The following PICALM variants were observed in gnomAD, a reference collection of about 807,000 sequenced individuals.
PICALM encodes the protein phosphatidylinositol binding clathrin assembly protein.
A neutral mutation model predicts 80.5 loss-of-function variants in PICALM; 40 were observed. That is an observed-to-expected ratio of 0.50 (90% confidence interval 0.39 to 0.65). The LOEUF is 0.65. Ranked by LOEUF, PICALM falls within the 30% of genes least tolerant of loss-of-function variation. The probability of loss-of-function intolerance (pLI) is 0.00; values close to 1 mark genes in which losing one functional copy is unlikely to be tolerated. For missense variants in PICALM, 676 were observed against 778.9 expected (o/e 0.87, Z 1.57); for synonymous variants, 288 against 260.3 (o/e 1.11, Z -1.02).
intron 7 of PICALM, among the ~76,000 whole-genome samples, chr11:86,008,936 G>A (rs927638536): frequency 3.5e-5 from 2 of 56,376 alleles, no homozygotes; most frequent in Admixed American, 1.9e-4. Flanking sequence ...TCCAGAAAAA[G>A]GAAAAAAAAA....
chr11:86,068,897 C>T lies in PICALM; in HGVS notation c.-117G>A, dbSNP rs535144374. On this transcript the variant is annotated 5_prime_UTR_variant, in exon 1 of 20. Transcript: ENST00000393346. ...CCTACCCCCACCGGCTCCTTCCCCG[C>T]CTGCCGGCCTGGGGCGCGGTTCGGG... 3.3e-5 allele frequency: 46 copies of T among 1,373,602 alleles called. 1 individual carries two copies. In the South Asian group the frequency reaches 6.0e-4, roughly 18 times the overall value. The allele number at this position is 1,373,602 out of a possible 1,614,324, so 85.1% of individuals were successfully genotyped here.
chr11:85,974,455 T>G, intron 19 of PICALM: 2 of 596,330 alleles, frequency 3.4e-6, no homozygotes, highest in South Asian at 2.8e-5. Flanking sequence ...CTCAGAAAAA[T>G]CATCCTTTGG....
chr11:86,069,226 G>T, upstream of PICALM: 1 of 182,540 alleles, frequency 5.5e-6, no homozygotes, highest in East Asian at 9.2e-5. Flanking sequence ...GGGAAGAGCT[G>T]GGCGGCGCCC....
intron 14 of PICALM, among the ~76,000 whole-genome samples, chr11:85,983,399 C>T (rs1326779963): frequency 1.3e-5 from 2 of 152,318 alleles, no homozygotes; most frequent in Non-Finnish European, 2.9e-5. Context: ...CCTGTACCCA[C>T]AGGCCTGATT....
chr11:86,061,499 C>G (rs1422020708), intron 1 of PICALM, among the ~76,000 whole-genome samples: 1 of 151,780 alleles, frequency 6.6e-6, no homozygotes, highest in East Asian at 1.9e-4. Flanking sequence ...ATAAAGATGG[C>G]GAGTATGCAT....
chr11:85,983,246 A>T (rs1224470944), intron 14 of PICALM, among the ~76,000 whole-genome samples: 1 of 152,224 alleles, frequency 6.6e-6, no homozygotes, highest in Non-Finnish European at 1.5e-5. Flanking sequence ...GAACAGAATT[A>T]TGAGTGTCAA....
chr11:86,023,365 A>C (rs2095598434), intron 3 of PICALM: 1 of 712,864 alleles, frequency 1.4e-6, no homozygotes, highest in Non-Finnish European at 1.7e-6. Context: ...AGTGGAGAAA[A>C]ATCAGTGAAC....
intron 9 of PICALM, among the ~76,000 whole-genome samples, chr11:86,002,420 G>A (rs1478362979): frequency 5.3e-5 from 8 of 152,090 alleles, no homozygotes. Context: ...AGGTTCATAA[G>A]AAAACATGAG....
intron 4 of PICALM, among the ~76,000 whole-genome samples, chr11:86,021,936 T>C (rs1445331250): frequency 6.6e-6 from 1 of 152,208 alleles, no homozygotes; most frequent in Non-Finnish European, 1.5e-5. Flanking sequence ...TATTGTATAA[T>C]TTCATTTATA....
chr11:85,969,277 A>G (rs943289583), intron 19 of PICALM, among the ~76,000 whole-genome samples: 1 of 152,242 alleles, frequency 6.6e-6, no homozygotes, highest in Non-Finnish European at 1.5e-5. Context: ...TTAACTTGAT[A>G]TAATAGTAAT....
intron 11 of PICALM, 119 bp from the exon 12 acceptor site, chr11:85,997,048 T>C (rs1011762342): frequency 1.7e-6 from 1 of 574,138 alleles, no homozygotes. Flanking sequence ...GTCTCATTAA[T>C]ATAAATCTCA....
intron 4 of PICALM, among the ~76,000 whole-genome samples, chr11:86,015,695 C>T (rs1373128009): frequency 6.6e-6 from 1 of 152,130 alleles, no homozygotes; most frequent in East Asian, 1.9e-4. Flanking sequence ...ATATTAAGAG[C>T]TTATTATATA....
chr11:85,990,381 A>G lies in PICALM; in HGVS notation c.1277T>C (p.Val426Ala). Residue 426 changes from valine to alanine, a missense_variant, in exon 13 of 20, where the codon GTA (valine) becomes GCA (alanine). Val to Ala is a moderately conservative substitution (Grantham distance 64). This residue lies in a region of PICALM where 391 missense variants were observed against 383.6 expected (regional missense o/e 1.02). Transcript: ENST00000393346. ...STWGDPFSAT[V>A]DAVDDAIPSL... Reference sequence around the variant, plus strand: ...TGGAATGGCATCATCAACAGCATCTACAGTAGCAGAGAAAGGATCTGTGCA... The same window carrying G: ...TGGAATGGCATCATCAACAGCATCTGCAGTAGCAGAGAAAGGATCTGTGCA... 5.0e-6 allele frequency: 8 copies of G among 1,605,960 alleles called. No homozygotes were observed. The highest frequency in any genetic ancestry group is 6.8e-6 in the Non-Finnish European group (8 of 1,173,780).
intron 12 of PICALM, among the ~76,000 whole-genome samples, chr11:85,992,370 C>T (rs1212566492): frequency 2.0e-5 from 3 of 151,280 alleles, no homozygotes; most frequent in African/African-American, 4.9e-5. Flanking sequence ...TTGCAACTTC[C>T]GCTTCCTGGG....
intron 9 of PICALM, among the ~76,000 whole-genome samples, chr11:86,002,747 T>C (rs1214114743): frequency 6.6e-6 from 1 of 152,170 alleles, no homozygotes; most frequent in African/African-American, 2.4e-5. Context: ...GCACGGTGGT[T>C]CATGCCTGTA....
At position 85,976,691 on chromosome 11, in the gene PICALM, G is replaced by T. The variant is rs750210721; in HGVS notation, c.1780-9C>A. The T allele has an allele frequency of 3.2e-6, 5 of 1,552,446 alleles. No individual in the cohort carries two copies. In the East Asian group the frequency reaches 1.1e-4, roughly 35 times the overall value. On this transcript the variant is annotated splice_polypyrimidine_tract_variant and intron_variant, in intron 17 of 19. Coordinates refer to ENST00000393346, the MANE Select transcript of PICALM (RefSeq NM_007166.4). Reference sequence around the variant, plus strand: ...GCCATTACAGGGGGTGCCTAACATAGTGAAAGGAAAAATGAACAAGAAAGT... The same window carrying T: ...GCCATTACAGGGGGTGCCTAACATATTGAAAGGAAAAATGAACAAGAAAGT...
intron 2 of PICALM, among the ~76,000 whole-genome samples, chr11:86,027,029 T>G (rs1285386207): frequency 6.6e-6 from 1 of 152,256 alleles, no homozygotes. Flanking sequence ...GTGTACTTAC[T>G]CTTTGCAATG....
At chr11:86,058,392 A>C (rs1178010845) in intron 1 of PICALM, among the ~76,000 whole-genome samples, 1 of 152,212 alleles carries the variant, frequency 6.6e-6, no homozygotes, top group Non-Finnish European at 1.5e-5. Flanking sequence ...TGAGGAAAGA[A>C]GTTTTGGAAA....
intron 1 of PICALM, among the ~76,000 whole-genome samples, chr11:86,046,760 C>A (rs2096077907): frequency 6.6e-6 from 1 of 152,180 alleles, no homozygotes; most frequent in African/African-American, 2.4e-5. Context: ...GTCACCCAGA[C>A]TGGAGTAGCT....
Sources: allele counts gnomAD v4.1 joint callset (sites outside exome capture counted in the v4.1 genomes callset), GRCh38; gene constraint gnomAD v4.1.1; regional missense constraint gnomAD v4.1.1; transcripts MANE v1.5; gene names NCBI Gene and HGNC (gene_info 2026-07-23, HGNC 2026-07-21).